The following ZNF177 variants were observed in gnomAD, a reference collection of about 807,000 sequenced individuals.
ZNF177 encodes zinc finger protein 177.
Under a neutral mutation model 19.4 loss-of-function variants are expected in ZNF177, and 17 were observed. The ratio of observed to expected loss-of-function variants is 0.87; its 90% CI spans 0.60 to 1.31. The LOEUF is 1.31. Among genes scored for constraint, ZNF177 ranks in the 40% most tolerant of loss-of-function variants. ZNF177 has a pLI of 0.00. For missense variants in ZNF177, 633 were observed against 561.8 expected (o/e 1.13, Z -1.28); for synonymous variants, 220 against 188.7 (o/e 1.17, Z -1.36).
intron 1 of ZNF177, among the ~76,000 whole-genome samples, chr19:9,378,002 T>C (rs1011755341): frequency 3.3e-5 from 5 of 152,220 alleles, no homozygotes; most frequent in Admixed American, 6.5e-5. Context: ...TTTTGCACTT[T>C]AGAGGCTCAT....
chr19:9,373,566 A>G (rs559552462), upstream of ZNF177, among the ~76,000 whole-genome samples: 7 of 152,258 alleles, frequency 4.6e-5, no homozygotes, highest in East Asian at 1.4e-3. Context: ...ACTTCTAACA[A>G]CGATGTATAA....
At chr19:9,371,133 T>C (rs1401457878) in intron 2 of ZNF177, among the ~76,000 whole-genome samples, 2 of 152,202 alleles carry the variant, frequency 1.3e-5, no homozygotes, top group Non-Finnish European at 2.9e-5. Flanking sequence ...ATTTCATCAG[T>C]ATATTACTAA....
chr19:9,381,333 C>T (rs529851388), exon 6 of ZNF177: 1 of 1,614,066 alleles, frequency 6.2e-7, no homozygotes, highest in Non-Finnish European at 8.5e-7. Flanking sequence ...AAAGAACTCA[C>T]ACTGGAGAGA....
rs3745575 is a variant in ZNF177, at chr19:9,379,210, G to C, written c.160+122G>C. The C allele has an allele frequency of 8.4e-4, 1,187 of 1,419,330 alleles. 24 individuals are homozygous for C. In the East Asian group the frequency reaches 0.025, roughly 30 times the overall value. 87.9% of individuals were successfully genotyped at this position (1,419,330 alleles called of 1,614,324 possible). The stretch of plus-strand genomic sequence containing the variant: ...GTTAACCCCAAAATGAATGGTCCCT[G>C]CCCTTGAGGGGGCAGTCCAGTGGCT... On this transcript the variant is annotated intron_variant, in intron 3 of 5. Transcript: ENST00000589262.
chr19:9,373,640 C>T (rs1185217708), upstream of ZNF177, among the ~76,000 whole-genome samples: 2 of 152,100 alleles, frequency 1.3e-5, no homozygotes, highest in African/African-American at 4.8e-5. Flanking sequence ...TCTATTATAA[C>T]AAGTGTGAGG....
chr19:9,364,366 T>C (rs545748484), intron 1 of ZNF177, among the ~76,000 whole-genome samples: 2 of 152,312 alleles, frequency 1.3e-5, no homozygotes, highest in Non-Finnish European at 2.9e-5. Flanking sequence ...ACTGTGATGC[T>C]AGCAGAGAAT....
exon 6 of ZNF177, chr19:9,382,053 T>G (rs953726712): frequency 2.2e-6 from 1 of 446,916 alleles, no homozygotes; most frequent in East Asian, 3.3e-5. Flanking sequence ...GTCTTCAATA[T>G]GTAGATTCTG....
At chr19:9,363,867 C>T (rs569825776) in intron 1 of ZNF177, among the ~76,000 whole-genome samples, 4 of 152,168 alleles carry the variant, frequency 2.6e-5, no homozygotes, top group Non-Finnish European at 4.4e-5. Context: ...CTACGACCTC[C>T]GAAACATTAG....
intron 4 of ZNF177, 59 bp from the exon 7 acceptor site, chr19:9,379,998 T>C: frequency 6.4e-7 from 1 of 1,568,626 alleles, no homozygotes; most frequent in Non-Finnish European, 8.6e-7. Context: ...TCTCCCTCCC[T>C]TTTTCTTTGA....
At chr19:9,363,803 T>TC (rs2067939622) in intron 1 of ZNF177, among the ~76,000 whole-genome samples, 1 of 152,186 alleles carries the variant, frequency 6.6e-6, no homozygotes, top group Non-Finnish European at 1.5e-5. Flanking sequence ...AACTTTATTC[T>TC]CCCTTTATAA....
At chr19:9,379,806 A>G (rs2068165335) in intron 4 of ZNF177, 187 bp downstream of exon 6, 3 of 625,806 alleles carry the variant, frequency 4.8e-6, no homozygotes, top group Non-Finnish European at 6.9e-6. Context: ...CTTTAAATGT[A>G]ATGTCTCCAT....
chr19:9,371,720 C>T (rs2068049405), upstream of ZNF177: 1 of 152,174 alleles, frequency 6.6e-6, no homozygotes, highest in South Asian at 2.1e-4. Flanking sequence ...ATGTATTCAG[C>T]TTGGGGGCTT....
intron 2 of ZNF177, among the ~76,000 whole-genome samples, chr19:9,370,949 A>G (rs1330806922): frequency 1.3e-5 from 2 of 152,314 alleles, no homozygotes; most frequent in Admixed American, 6.5e-5. Context: ...GAGCTGTCCA[A>G]TACAGTAGCC....
rs147252657 is a variant in ZNF177 at position 9,379,499 on chromosome 19, C to T, written c.161-28C>T. 10,673 of 1,606,102 alleles carry T rather than the reference C, an allele frequency of 6.6e-3. 50 individuals carry two copies. The highest frequency in any genetic ancestry group is 8.2e-3 in the Non-Finnish European group (9,616 of 1,176,828). ...GAATATTTAATTCTCACACATTTCTCCCACATCCTTGCTTTCTGCGTGAGC... is the reference window on the plus strand; with the variant it reads ...GAATATTTAATTCTCACACATTTCTTCCACATCCTTGCTTTCTGCGTGAGC... On this transcript the variant is annotated intron_variant, in intron 3 of 5. Coordinates refer to ENST00000589262, the Ensembl canonical transcript of ZNF177.
intron 1 of ZNF177, among the ~76,000 whole-genome samples, chr19:9,377,158 A>G (rs2068120818): frequency 6.6e-6 from 1 of 152,106 alleles, no homozygotes; most frequent in African/African-American, 2.4e-5. Context: ...CCAATCACCT[A>G]ATGACATAGC....
chr19:9,370,854 G>A lies in ZNF177; in HGVS notation c.-304-756G>A, dbSNP rs371013040. On this transcript the variant is annotated intron_variant, in intron 2 of 8. Transcript: ENST00000343499. The stretch of plus-strand genomic sequence containing the variant: ...GTCGAGTAGCCAACAGATACAGAGG[G>A]CTGACTGTATAATGAATTCTCATGT... Among the ~76,000 whole-genome samples the A allele has an allele frequency of 3.3e-4, 50 of 152,248 alleles. No individual in the cohort carries two copies. The East Asian group carries it at 8.9e-3, about 27-fold the overall frequency.
chr19:9,366,193 G>T (rs1287706729), intron 2 of ZNF177, among the ~76,000 whole-genome samples: 4 of 152,142 alleles, frequency 2.6e-5, no homozygotes, highest in Non-Finnish European at 1.5e-5. Flanking sequence ...ATGTTGGCCA[G>T]AGTGGTCTGG....
At chr19:9,363,774 CAT>C (rs567130947) in intron 1 of ZNF177, among the ~76,000 whole-genome samples, 16 of 152,120 alleles carry the variant, frequency 1.1e-4, no homozygotes, top group Non-Finnish European at 2.2e-4. Flanking sequence ...TACATATTGA[CAT>C]ATCGTTTATG....
chr19:9,381,971 T>C (rs966856424), exon 6 of ZNF177: 1 of 784,410 alleles, frequency 1.3e-6, no homozygotes, highest in Non-Finnish European at 1.9e-6. Flanking sequence ...TTCTTATATG[T>C]GTCACAACTG....
Sources: gnomAD v4.1 joint callset for allele counts (sites outside exome capture counted in the v4.1 genomes callset) on GRCh38, gnomAD v4.1.1 for gene constraint, MANE v1.5 for transcripts, NCBI Gene and HGNC (gene_info 2026-07-23, HGNC 2026-07-21) for gene names.